Variants in PAPPA2 observed in about 807,000 individuals in gnomAD.
PAPPA2 encodes pappalysin 2, also known as pappalysin-2.
Under a neutral mutation model 176.4 loss-of-function variants are expected in PAPPA2, and 86 were observed. The ratio of observed to expected loss-of-function variants is 0.49; its 90% CI spans 0.41 to 0.58. PAPPA2 has a LOEUF of 0.58. Ranked by LOEUF, PAPPA2 falls within the 20% of genes least tolerant of loss-of-function variation. The pLI, the probability that PAPPA2 is intolerant of heterozygous loss-of-function variation, is 0.00. For missense variants in PAPPA2, 2,073 were observed against 2,256.9 expected, an observed-to-expected ratio of 0.92 and a Z score of 1.65; for synonymous variants, 809 against 852.2, an observed-to-expected ratio of 0.95 and a Z score of 0.88.
Position 176,842,539 on chromosome 1 carries a change from G to A in PAPPA2, c.*85G>A. On this transcript the variant is annotated 3_prime_UTR_variant, in exon 23 of 23. Transcript: ENST00000367662. Reference sequence around the variant, plus strand: ...CAGGAGGAAACAAAGGGTGAATGAAGAAGAACAATCATGAAATGGAAGAAG... The same window carrying A: ...CAGGAGGAAACAAAGGGTGAATGAAAAAGAACAATCATGAAATGGAAGAAG... 1 of 1,213,508 alleles carries A rather than the reference G, an allele frequency of 8.2e-7. No individual in the cohort carries two copies. The highest frequency in any genetic ancestry group is 1.2e-6 in the Non-Finnish European group (1 of 835,102). The allele number at this position is 1,213,508 out of a possible 1,614,324, so 75.2% of individuals were successfully genotyped here.
At chr1:176,718,631 T>A (rs1444160008) in intron 12 of PAPPA2, among the ~76,000 whole-genome samples, 1 of 151,892 alleles carries the variant, frequency 6.6e-6, no homozygotes, top group African/African-American at 2.4e-5. Flanking sequence ...TTGTGATTTC[T>A]TTTTTTACTC....
At chr1:176,825,086 A>T (rs1315976491) in intron 21 of PAPPA2, among the ~76,000 whole-genome samples, 3 of 152,196 alleles carry the variant, frequency 2.0e-5, no homozygotes, top group African/African-American at 7.2e-5. Context: ...TTCACTTCTT[A>T]GTGCTTCCTC....
At chr1:176,648,277 G>A (rs927907127) in intron 3 of PAPPA2, among the ~76,000 whole-genome samples, 5 of 151,266 alleles carry the variant, frequency 3.3e-5, no homozygotes, top group African/African-American at 1.2e-4. Flanking sequence ...ACTTTTATAT[G>A]TGGATTTTGT....
intron 1 of PAPPA2, among the ~76,000 whole-genome samples, chr1:176,548,014 A>C (rs1257126770): frequency 6.6e-6 from 1 of 152,364 alleles, no homozygotes; most frequent in East Asian, 1.9e-4. Flanking sequence ...ACCTAGTGAA[A>C]GCTGACTAAT....
At chr1:176,745,826 A>T (rs1264298306) in intron 14 of PAPPA2, among the ~76,000 whole-genome samples, 1 of 152,178 alleles carries the variant, frequency 6.6e-6, no homozygotes, top group East Asian at 1.9e-4. Context: ...TGGGGCTGGT[A>T]GTCAGAAAAT....
chr1:176,758,984 C>T (rs1205196896), intron 14 of PAPPA2, among the ~76,000 whole-genome samples: 1 of 152,172 alleles, frequency 6.6e-6, no homozygotes, highest in African/African-American at 2.4e-5. Context: ...AGAGACTTGC[C>T]CAAGGTCCTA....
At chr1:176,514,407 C>A (rs1343423858) in intron 1 of PAPPA2, among the ~76,000 whole-genome samples, 3 of 152,162 alleles carry the variant, frequency 2.0e-5, no homozygotes, top group Admixed American at 6.5e-5. Context: ...GCACCTCCCA[C>A]CAGGCTCCAC....
In PAPPA2 at chr1:176,498,792, G is replaced by T. The variant is rs77960110; in HGVS notation, c.-917+35374G>T. 2.3e-3 allele frequency among the ~76,000 whole-genome samples: 347 copies of T among 150,328 alleles called. 3 individuals are homozygous for T. The highest frequency in any genetic ancestry group is 0.014 in the Middle Eastern group (4 of 288). On this transcript the variant is annotated intron_variant, in intron 1 of 22. Coordinates refer to ENST00000367662, the MANE Select transcript of PAPPA2 (RefSeq NM_020318.3). ...GAAGAAGAAATCTGAAGCTACAGGT[G>T]GCTGGCTTCCATGCTTTCTGGAAAT...
chr1:176,824,056 G>C (rs1334368676), intron 21 of PAPPA2, among the ~76,000 whole-genome samples: 1 of 152,168 alleles, frequency 6.6e-6, no homozygotes, highest in African/African-American at 2.4e-5. Flanking sequence ...TGATGAGAGA[G>C]GAGTTAAAGA....
Position 176,702,712 on chromosome 1 carries a change from T to C in PAPPA2, c.3342T>C (p.Tyr1114=), listed in dbSNP as rs375259882. ...TGAACCACATTCATGGAGCTCCTTATTGTGGAGATGGGAAGGTGTCAGAGT... is the reference window on the plus strand; with the variant it reads ...TGAACCACATTCATGGAGCTCCTTACTGTGGAGATGGGAAGGTGTCAGAGT... ...PPLNHIHGAP[Y]CGDGKVSERL... Residue 1114 remains tyrosine (Y), a synonymous_variant, in exon 9 of 23, where the codon TAT becomes TAC. Coordinates refer to ENST00000367662, the MANE Select transcript of PAPPA2 (RefSeq NM_020318.3). The C allele has an allele frequency of 4.7e-5, 75 of 1,609,946 alleles. No individual in the cohort carries two copies. The African/African-American group carries it at 6.5e-4, about 14-fold the overall frequency.
chr1:176,762,942 T>C (rs998358711), intron 14 of PAPPA2, among the ~76,000 whole-genome samples: 4 of 152,200 alleles, frequency 2.6e-5, no homozygotes, highest in Admixed American at 2.6e-4. Context: ...TTCCAACTTA[T>C]ACATAATAAA....
At chr1:176,630,669 A>G (rs1035522856) in intron 3 of PAPPA2, among the ~76,000 whole-genome samples, 2 of 152,190 alleles carry the variant, frequency 1.3e-5, no homozygotes, top group Non-Finnish European at 2.9e-5. Flanking sequence ...AAAAAGATGG[A>G]TATAGGAAAC....
chr1:176,781,365 CT>C (rs35029858), intron 17 of PAPPA2, among the ~76,000 whole-genome samples: 92 of 46,232 alleles, frequency 2.0e-3, no homozygotes, highest in East Asian at 3.6e-3. Flanking sequence ...TTGTAAGGGG[CT>C]TTTTTTTTTT....
chr1:176,475,105 C>T (rs1652052406), intron 1 of PAPPA2, among the ~76,000 whole-genome samples: 1 of 152,030 alleles, frequency 6.6e-6, no homozygotes, highest in Non-Finnish European at 1.5e-5. Context: ...TGATAATCAA[C>T]AGAGAATGAA....
At chr1:176,771,660 T>C (rs972958165) in intron 17 of PAPPA2, among the ~76,000 whole-genome samples, 4 of 152,216 alleles carry the variant, frequency 2.6e-5, no homozygotes, top group African/African-American at 9.6e-5. Flanking sequence ...AAACATAAAA[T>C]TCAGTAAATT....
intron 21 of PAPPA2, among the ~76,000 whole-genome samples, chr1:176,812,302 C>T (rs1322528143): frequency 6.6e-6 from 1 of 151,876 alleles, no homozygotes; most frequent in East Asian, 1.9e-4. Flanking sequence ...TACTCGCCTG[C>T]AGAATTGCCA....
Position 176,557,109 on chromosome 1 carries a change from T to A in PAPPA2, c.787T>A (p.Leu263Ile). The A allele has an allele frequency of 6.2e-7, 1 of 1,613,712 alleles. No individual in the cohort carries two copies. Among genetic ancestry groups the A allele is most frequent in the Non-Finnish European group, 8.5e-7 (1 of 1,179,978 alleles). Residue 263 changes from leucine (L) to isoleucine (I), a missense_variant, in exon 2 of 23, where the codon TTA becomes ATA. Transcript: ENST00000367662. ...TAACTCCCAAGTAGGACTGCCCATC[T>A]TATACTTCTCTGGGAGGCGGGAGCG... Reference protein sequence around the residue: ...TFNSQVGLPILYFSGRRERLL... With the variant: ...TFNSQVGLPIIYFSGRRERLL...
intron 1 of PAPPA2, among the ~76,000 whole-genome samples, chr1:176,506,737 C>A (rs918306917): frequency 1.3e-5 from 2 of 152,036 alleles, no homozygotes; most frequent in African/African-American, 4.8e-5. Context: ...TTCATCAGGG[C>A]TAGCAGCCTT....
intron 12 of PAPPA2, among the ~76,000 whole-genome samples, chr1:176,730,542 T>C (rs1662090825): frequency 6.6e-6 from 1 of 152,000 alleles, no homozygotes; most frequent in Non-Finnish European, 1.5e-5. Flanking sequence ...ATCAGTGTCT[T>C]CAAAGTACAA....
Sources: allele counts gnomAD v4.1 joint callset (sites outside exome capture counted in the v4.1 genomes callset), GRCh38; gene constraint gnomAD v4.1.1; transcripts MANE v1.5; gene names NCBI Gene and HGNC (gene_info 2026-07-23, HGNC 2026-07-21).